CLCN3: variants seen among roughly 807,000 people sequenced by gnomAD.
The protein encoded by CLCN3 is H(+)/Cl(-) exchange transporter 3.
Under a neutral mutation model 83.4 loss-of-function variants are expected in CLCN3, and 16 were observed. That is an observed-to-expected ratio of 0.19 (90% CI 0.13 to 0.29). CLCN3 has a LOEUF of 0.29. CLCN3 is among the 10% of genes least tolerant of loss of function. The pLI is 1.00. For synonymous variants in CLCN3, 322 were observed against 346.2 expected (o/e 0.93, Z 0.78); for missense variants, 544 against 1,006.0 (o/e 0.54, Z 6.21).
intron 9 of CLCN3, among the ~76,000 whole-genome samples, chr4:169,699,836 C>G (rs567116286): frequency 1.6e-4 from 24 of 152,218 alleles, no homozygotes; most frequent in African/African-American, 5.5e-4. Flanking sequence ...GAGCCAAGAT[C>G]ACACCACTGC....
At position 169,634,349 on chromosome 4, in the gene CLCN3, A is replaced by T. The variant is rs147003910; in HGVS notation, c.-16-1564A>T. ...TAAAAACAGAGTGTCTGTGTTCTTCACAAAAATCTTAGCATACATGCTTTG... is the reference window on the plus strand; with the variant it reads ...TAAAAACAGAGTGTCTGTGTTCTTCTCAAAAATCTTAGCATACATGCTTTG... On this transcript the variant is annotated intron_variant, in intron 1 of 12. Coordinates refer to ENST00000513761, the MANE Select transcript of CLCN3 (RefSeq NM_001829.4). Among the ~76,000 whole-genome samples, 73 of 152,346 alleles carry T rather than the reference A, an allele frequency of 4.8e-4. No homozygotes were observed. In the East Asian group the frequency reaches 0.013, roughly 27 times the overall value.
chr4:169,648,254 T>G (rs1319673930), intron 2 of CLCN3, among the ~76,000 whole-genome samples: 2 of 152,210 alleles, frequency 1.3e-5, no homozygotes, highest in Non-Finnish European at 2.9e-5. Context: ...TTTTGACAAA[T>G]GTATCATGGA....
At chr4:169,626,367 C>T (rs1773234624) in intron 1 of CLCN3, among the ~76,000 whole-genome samples, 1 of 152,222 alleles carries the variant, frequency 6.6e-6, no homozygotes, top group South Asian at 2.1e-4. Context: ...TTTATGGAGG[C>T]TTCATTACAT....
At chr4:169,669,241 G>T (rs565445649) in intron 2 of CLCN3, among the ~76,000 whole-genome samples, 1 of 152,252 alleles carries the variant, frequency 6.6e-6, no homozygotes, top group East Asian at 1.9e-4. Context: ...ACTTAAAATC[G>T]TAAAAATTAA....
At position 169,706,858 on chromosome 4, in the gene CLCN3, C is replaced by T. The variant is rs755007864; in HGVS notation, c.1751-10C>T. On this transcript the variant is annotated splice_polypyrimidine_tract_variant and intron_variant, in intron 10 of 12. Transcript: ENST00000513761. The stretch of plus-strand genomic sequence containing the variant: ...GTCCTTCCTGACCAGTGGGTGCTTA[C>T]TTTTTTCAGGTGGTGTGACAAGAAT... The T allele has an allele frequency of 5.6e-6, 9 of 1,603,956 alleles. No homozygotes were observed. Among genetic ancestry groups the T allele is most frequent in the African/African-American group, 1.3e-5 (1 of 74,700 alleles).
At chr4:169,674,111 G>C (rs1242069745) in intron 2 of CLCN3, among the ~76,000 whole-genome samples, 1 of 151,970 alleles carries the variant, frequency 6.6e-6, no homozygotes, top group Non-Finnish European at 1.5e-5. Context: ...AAAGAAAAAA[G>C]TTTTTTTTCC....
chr4:169,662,257 T>C (rs934367761), intron 2 of CLCN3, among the ~76,000 whole-genome samples: 1 of 152,184 alleles, frequency 6.6e-6, no homozygotes, highest in Non-Finnish European at 1.5e-5. Flanking sequence ...GCAGCTCAAA[T>C]AGGTTCTTTA....
chr4:169,695,445 C>G (rs1055596248), intron 7 of CLCN3, among the ~76,000 whole-genome samples, 167 bp from the exon 8 acceptor site: 2 of 152,010 alleles, frequency 1.3e-5, no homozygotes, highest in East Asian at 3.8e-4. Flanking sequence ...GAGAAAGAAA[C>G]AAATCTTAAT....
intron 2 of CLCN3, among the ~76,000 whole-genome samples, chr4:169,642,351 C>T (rs976432529): frequency 1.4e-4 from 21 of 152,254 alleles, no homozygotes; most frequent in African/African-American, 5.1e-4. Flanking sequence ...AAAAACCTAA[C>T]CAATTGTTCA....
chr4:169,642,031 C>T (rs987150058), intron 2 of CLCN3, among the ~76,000 whole-genome samples: 3 of 151,924 alleles, frequency 2.0e-5, no homozygotes, highest in Non-Finnish European at 2.9e-5. Context: ...CTTGAGGTGA[C>T]GTAAAATGTA....
chr4:169,655,022 A>G (rs964548123), intron 2 of CLCN3, among the ~76,000 whole-genome samples: 1 of 152,080 alleles, frequency 6.6e-6, no homozygotes, highest in African/African-American at 2.4e-5. Context: ...ATCTTATGTT[A>G]TTAGGTTATA....
intron 2 of CLCN3, among the ~76,000 whole-genome samples, chr4:169,640,065 A>G (rs1390510419): frequency 2.0e-5 from 3 of 152,224 alleles, no homozygotes; most frequent in Non-Finnish European, 4.4e-5. Flanking sequence ...TTAAATGCAT[A>G]TAGAGATCTT....
intron 2 of CLCN3, among the ~76,000 whole-genome samples, chr4:169,669,734 T>C (rs1472111993): frequency 6.6e-6 from 1 of 152,186 alleles, no homozygotes; most frequent in African/African-American, 2.4e-5. Flanking sequence ...TTCCCTTTTT[T>C]CTCCTCCCCA....
chr4:169,694,985 C>T (rs1020735595), intron 7 of CLCN3, among the ~76,000 whole-genome samples: 2 of 152,090 alleles, frequency 1.3e-5, no homozygotes, highest in Non-Finnish European at 2.9e-5. Context: ...AGAGAGGACA[C>T]GGAAGAGTGT....
intron 2 of CLCN3, among the ~76,000 whole-genome samples, chr4:169,649,466 G>C (rs1477734367): frequency 6.6e-6 from 1 of 152,178 alleles, no homozygotes; most frequent in Non-Finnish European, 1.5e-5. Context: ...TAATAGTTCA[G>C]AAAAGAAATT....
chr4:169,696,331 A>C (rs1333887876), intron 8 of CLCN3, among the ~76,000 whole-genome samples: 1 of 152,134 alleles, frequency 6.6e-6, no homozygotes, highest in African/African-American at 2.4e-5. Context: ...TAGTGACTTC[A>C]GTGGATTATT....
Position 169,707,132 on chromosome 4 carries a change from A to T in CLCN3, c.2015A>T (p.Gln672Leu). Residue 672 changes from glutamine to leucine, a missense_variant, in exon 11 of 13, where the codon CAG (glutamine) becomes CTG (leucine). Physicochemically the swap from Gln to Leu is moderately radical, Grantham distance 113. Coordinates refer to ENST00000513761, the MANE Select transcript of CLCN3 (RefSeq NM_001829.4). ...GATCCTCCCTTAGCTGTCCTGACAC[A>T]GGACAATATGACAGTGGATGATATA... Reference protein sequence around the residue: ...RNDPPLAVLTQDNMTVDDIEN... With the variant: ...RNDPPLAVLTLDNMTVDDIEN... 6.2e-7 allele frequency: 1 copy of T among 1,614,190 alleles called. No individual in the cohort carries two copies. Among genetic ancestry groups the T allele is most frequent in the South Asian group, 1.1e-5 (1 of 91,086 alleles).
chr4:169,640,255 C>T (rs1478085334), intron 2 of CLCN3, among the ~76,000 whole-genome samples: 2 of 152,166 alleles, frequency 1.3e-5, no homozygotes, highest in Admixed American at 6.5e-5. Context: ...ATGTCAGTAA[C>T]ATCTCTACTA....
At chr4:169,693,345 G>T (rs1732443334) in intron 7 of CLCN3, among the ~76,000 whole-genome samples, 1 of 152,142 alleles carries the variant, frequency 6.6e-6, no homozygotes, top group Non-Finnish European at 1.5e-5. Context: ...AAAATAGCTA[G>T]CATTATTGAT....
Sources: allele counts gnomAD v4.1 joint callset (sites outside exome capture counted in the v4.1 genomes callset), GRCh38; gene constraint gnomAD v4.1.1; transcripts MANE v1.5; gene names NCBI Gene and HGNC (gene_info 2026-07-23, HGNC 2026-07-21).